Variants in RECK observed in about 807,000 individuals in gnomAD.
The protein encoded by RECK is reversion-inducing cysteine-rich protein with Kazal motifs.
A neutral mutation model predicts 115.1 loss-of-function variants in RECK; 69 were observed. The ratio of observed to expected loss-of-function variants is 0.60; its 90% CI spans 0.49 to 0.73. RECK has a LOEUF of 0.73. RECK is among the 30% of genes least tolerant of loss of function. The pLI is 0.00. For synonymous variants in RECK, 414 were observed against 419.7 expected, an observed-to-expected ratio of 0.99 and a Z score of 0.17; for missense variants, 1,047 against 1,203.7, an observed-to-expected ratio of 0.87 and a Z score of 1.93.
chr9:36,106,994 T>A (rs943278720), intron 13 of RECK, among the ~76,000 whole-genome samples: 1 of 149,554 alleles, frequency 6.7e-6, no homozygotes. Flanking sequence ...TAGTCCCAGA[T>A]ACTCAGGAGA....
chr9:36,071,462 T>C (rs990467683), intron 6 of RECK, among the ~76,000 whole-genome samples: 2 of 152,224 alleles, frequency 1.3e-5, no homozygotes, highest in African/African-American at 4.8e-5. Context: ...GCCATAAATA[T>C]AAATGCCTTT....
chr9:36,068,131 A>G (rs1277312145), intron 6 of RECK, among the ~76,000 whole-genome samples: 3 of 152,178 alleles, frequency 2.0e-5, no homozygotes, highest in Non-Finnish European at 2.9e-5. Flanking sequence ...ACAAATAACA[A>G]AACCAATATT....
chr9:36,069,480 CAAAAA>C (rs60192603), intron 6 of RECK, among the ~76,000 whole-genome samples: 1,058 of 84,960 alleles, frequency 0.012, 14 homozygotes, highest in African/African-American at 0.03. Flanking sequence ...GTGGAGGTTG[CAAAAA>C]AAAAAAAAAA....
chr9:36,107,931 T>C (rs751230647), intron 13 of RECK, 45 bp from the exon 14 acceptor site: 1 of 1,390,526 alleles, frequency 7.2e-7, no homozygotes, highest in Non-Finnish European at 1.0e-6. Context: ...TAAAACAATG[T>C]CATAGAACAG....
Position 36,083,574 on chromosome 9 carries a change from G to T in RECK, c.637+12G>T. 1 of 1,605,534 alleles carries T rather than the reference G, an allele frequency of 6.2e-7. No individual in the cohort carries two copies. The highest frequency in any genetic ancestry group is 1.1e-5 in the South Asian group (1 of 90,160). ...GAACCCAACGGATAGTAAGTAAAAG[G>T]GACATATTCTTCTCATTTCAATCTT... is the stretch of plus-strand genomic sequence containing the variant. On this transcript the variant is annotated intron_variant, in intron 8 of 20. Transcript: ENST00000377966.
In RECK at chr9:36,112,427, T is replaced by G; in HGVS notation, c.2011T>G (p.Cys671Gly). Residue 671 changes from cysteine (C) to glycine (G), a missense_variant, in exon 16 of 21, where the codon TGC (cysteine) becomes GGC (glycine). Cys to Gly is a radical substitution (Grantham distance 159). Transcript: ENST00000377966. ...LQDHQFEFGSCMSKDPCNPNP... is the reference protein window; with the variant it reads ...LQDHQFEFGSGMSKDPCNPNP... ...AGACCATCAGTTTGAGTTTGGATCA[T>G]GCATGTCAAAGGATCCATGTAATCC... is the stretch of plus-strand genomic sequence containing the variant. The G allele has an allele frequency of 6.2e-7, 1 of 1,614,118 alleles. No individual in the cohort carries two copies. Among genetic ancestry groups the G allele is most frequent in the Non-Finnish European group, 8.5e-7 (1 of 1,180,046 alleles).
chr9:36,064,015 A>G, intron 5 of RECK, 135 bp downstream of exon 5: 2 of 707,396 alleles, frequency 2.8e-6, no homozygotes, highest in East Asian at 5.5e-5. Flanking sequence ...CATTTTTTGT[A>G]TAGACCATTT....
intron 6 of RECK, among the ~76,000 whole-genome samples, chr9:36,076,931 G>T (rs146430978): frequency 0.01 from 1,573 of 152,188 alleles, 44 homozygotes; most frequent in East Asian, 0.074. Flanking sequence ...CACTGGCAGG[G>T]CAGTCTGGGT....
chr9:36,063,194 G>T (rs1038053170), intron 4 of RECK, among the ~76,000 whole-genome samples: 1 of 152,066 alleles, frequency 6.6e-6, no homozygotes, highest in African/African-American at 2.4e-5. Flanking sequence ...CAATCATTTG[G>T]TTGGAAGAGT....
chr9:36,110,836 G>A (rs2132664899), intron 15 of RECK, among the ~76,000 whole-genome samples: 1 of 152,054 alleles, frequency 6.6e-6, no homozygotes, highest in Non-Finnish European at 1.5e-5. Flanking sequence ...GAGGAGAGGA[G>A]AGTAAGGATT....
chr9:36,066,275 T>C (rs28708812), intron 6 of RECK, among the ~76,000 whole-genome samples: 13,258 of 152,190 alleles, frequency 0.087, 713 homozygotes, highest in East Asian at 0.3. Flanking sequence ...GGGGCTACTT[T>C]GTTCATTTTC....
chr9:36,113,825 A>G (rs746614701), intron 16 of RECK, among the ~76,000 whole-genome samples: 15 of 152,278 alleles, frequency 9.9e-5, no homozygotes, highest in Non-Finnish European at 1.9e-4. Context: ...GACCAAGGAC[A>G]TAAACATAAA....
At chr9:36,105,367 C>T in intron 13 of RECK, 84 bp downstream of exon 13, 2 of 1,349,698 alleles carry the variant, frequency 1.5e-6, no homozygotes, top group Non-Finnish European at 2.1e-6. Flanking sequence ...TTTTTCAATC[C>T]TGCTCCTTCT....
At chr9:36,120,825 T>C (rs1467385490) in intron 19 of RECK, 89 bp downstream of exon 19, 6 of 916,578 alleles carry the variant, frequency 6.5e-6, no homozygotes, top group South Asian at 4.4e-5. Flanking sequence ...TCCTCATTCA[T>C]AGATAAAGAA....
chr9:36,073,097 TC>T (rs965815964), intron 6 of RECK, among the ~76,000 whole-genome samples: 2 of 151,952 alleles, frequency 1.3e-5, no homozygotes, highest in Non-Finnish European at 2.9e-5. Flanking sequence ...CTTTTGATGT[TC>T]CCTTGGAACA....
At chr9:36,041,578 T>A in intron 1 of RECK, among the ~76,000 whole-genome samples, 1 of 151,980 alleles carries the variant, frequency 6.6e-6, no homozygotes, top group East Asian at 1.9e-4. Context: ...TAACAGGAAA[T>A]CACATGGAAA....
intron 9 of RECK, among the ~76,000 whole-genome samples, chr9:36,089,253 G>A (rs775699194): frequency 1.3e-4 from 20 of 152,118 alleles, no homozygotes; most frequent in Non-Finnish European, 2.4e-4. Context: ...TTACACCTAC[G>A]TAGAGTCACT....
In RECK at chr9:36,124,386, G is replaced by A. The variant is rs1371846612; in HGVS notation, c.*1341G>A. On this transcript the variant is annotated 3_prime_UTR_variant, in exon 21 of 21. Coordinates refer to ENST00000377966, the MANE Select transcript of RECK (RefSeq NM_021111.3). Reference sequence around the variant, plus strand: ...TGCTTGTTGCAATTGCCTTTTTTCTGTATAAATGTCTTTAATGCAATATAC... The same window carrying A: ...TGCTTGTTGCAATTGCCTTTTTTCTATATAAATGTCTTTAATGCAATATAC... 1.3e-5 allele frequency: 2 copies of A among 152,460 alleles called. No individual in the cohort carries two copies. The highest frequency in any genetic ancestry group is 1.9e-4 in the East Asian group (1 of 5,200). 9.4% of individuals were successfully genotyped at this position (152,460 alleles called of 1,614,324 possible).
intron 8 of RECK, among the ~76,000 whole-genome samples, chr9:36,084,603 G>A (rs769186485): frequency 4.6e-5 from 7 of 152,192 alleles, no homozygotes; most frequent in Non-Finnish European, 8.8e-5. Context: ...GCTGAGGCAG[G>A]AGAATTGATT....
Sources: gnomAD v4.1 joint callset for allele counts (sites outside exome capture counted in the v4.1 genomes callset) on GRCh38, gnomAD v4.1.1 for gene constraint, MANE v1.5 for transcripts, NCBI Gene and HGNC (gene_info 2026-07-23, HGNC 2026-07-21) for gene names.